The following CAST variants were observed in gnomAD, a reference collection of about 807,000 sequenced individuals.
CAST encodes the protein calpastatin, also known as MIR583 host.
In CAST, 76 loss-of-function variants were observed where a neutral mutation model predicts 119.6. That is an observed-to-expected ratio of 0.64 (90% CI 0.53 to 0.77). The LOEUF (loss-of-function observed/expected upper bound fraction) is 0.77. CAST is among the 30% of genes least tolerant of loss of function. The pLI, the probability that CAST is intolerant of heterozygous loss-of-function variation, is 0.00. For synonymous variants in CAST, 319 were observed against 331.6 expected (o/e 0.96, Z 0.41); for missense variants, 953 against 946.5 (o/e 1.01, Z -0.09).
the CAST span, among the ~76,000 whole-genome samples, chr5:96,088,369 C>T: frequency 1.3e-5 from 2 of 152,192 alleles, no homozygotes; most frequent in Admixed American, 6.5e-5. Context: ...CCAGTGTATT[C>T]TTTTTCCCAG....
chr5:96,696,303 G>C (rs190472868), intron 3 of CAST: 1 of 153,472 alleles, frequency 6.5e-6, no homozygotes, highest in African/African-American at 2.4e-5. Flanking sequence ...ATTATATCAC[G>C]TAATCCCCTC....
the CAST span, among the ~76,000 whole-genome samples, chr5:96,099,774 G>A: frequency 2.7e-4 from 41 of 152,082 alleles, no homozygotes; most frequent in Non-Finnish European, 5.1e-4. Flanking sequence ...AAGGATATTC[G>A]CCTGAAGTTT....
At chr5:96,057,329 C>T in the CAST span, among the ~76,000 whole-genome samples, 742 of 152,300 alleles carry the variant, frequency 4.9e-3, 7 homozygotes, top group African/African-American at 0.017. Flanking sequence ...TCATTGTTGA[C>T]AGCTCTATTT....
the CAST span, among the ~76,000 whole-genome samples, chr5:96,049,000 G>C: frequency 6.6e-6 from 1 of 152,316 alleles, no homozygotes; most frequent in Admixed American, 6.5e-5. Context: ...GCGTGGCTAA[G>C]AAAGGCTGAG....
chr5:96,713,133 CTTTTTTT>C (rs11406642), intron 3 of CAST, among the ~76,000 whole-genome samples: 2 of 136,774 alleles, frequency 1.5e-5, no homozygotes, highest in Non-Finnish European at 3.1e-5. Context: ...CAGAATTTCT[CTTTTTTT>C]TTTTTTTTTT....
intron 1 of CAST, among the ~76,000 whole-genome samples, chr5:96,607,320 G>A (rs181017561): frequency 6.6e-6 from 1 of 152,182 alleles, no homozygotes; most frequent in East Asian, 1.9e-4. Context: ...CTGTATTAAG[G>A]TATTATAGTA....
At chr5:96,367,732 C>T in the CAST span, among the ~76,000 whole-genome samples, 1 of 152,052 alleles carries the variant, frequency 6.6e-6, no homozygotes, top group South Asian at 2.1e-4. Flanking sequence ...CACAGCTTCC[C>T]TTGGCTAGGA....
the CAST span, among the ~76,000 whole-genome samples, chr5:96,064,188 GT>G: frequency 6.6e-6 from 1 of 151,926 alleles, no homozygotes; most frequent in Non-Finnish European, 1.5e-5. Flanking sequence ...AGAGACAGTA[GT>G]TTTTTTTCTG....
intron 1 of CAST, among the ~76,000 whole-genome samples, chr5:96,616,536 C>T (rs924874026): frequency 1.3e-5 from 2 of 152,122 alleles, no homozygotes; most frequent in African/African-American, 4.8e-5. Context: ...TGTATCATCA[C>T]ACTCCATCCT....
chr5:96,619,874 A>G (rs943879137), intron 1 of CAST, among the ~76,000 whole-genome samples: 2 of 152,222 alleles, frequency 1.3e-5, no homozygotes, highest in Admixed American at 1.3e-4. Context: ...GCAAGCCAGT[A>G]TGGTGGGTTA....
chr5:96,623,259 A>AT (rs11390086), intron 1 of CAST, among the ~76,000 whole-genome samples: 4,071 of 151,564 alleles, frequency 0.027, 193 homozygotes, highest in African/African-American at 0.092. Context: ...CAATAATGGC[A>AT]TTTTTTTTTC....
intron 1 of CAST, among the ~76,000 whole-genome samples, chr5:96,669,056 A>G (rs1033147877): frequency 3.9e-5 from 6 of 152,146 alleles, no homozygotes; most frequent in African/African-American, 1.2e-4. Context: ...GCTAAACCCA[A>G]CTTGAGGCCA....
chr5:96,364,325 A>G, the CAST span, among the ~76,000 whole-genome samples: 11,722 of 152,120 alleles, frequency 0.077, 1,537 homozygotes, highest in African/African-American at 0.27. Flanking sequence ...AGGCTTTGGT[A>G]TCAGGATGAT....
At chr5:96,508,928 C>A in the CAST span, among the ~76,000 whole-genome samples, 1 of 152,212 alleles carries the variant, frequency 6.6e-6, no homozygotes, top group Non-Finnish European at 1.5e-5. Flanking sequence ...CTATGTCTCA[C>A]TTCCTTGCTT....
At position 96,675,573 on chromosome 5, in the gene CAST, A is replaced by C; in HGVS notation, c.110A>C (p.Lys37Thr). ...GAAAAAACCAGTGAATCGCCTTCCA[A>C]ACCAGGAGAAAAGAAAGGATCAGAT... Reference protein sequence around the residue: ...VSEKTSESPSKPGEKKGSDEK... With the variant: ...VSEKTSESPSTPGEKKGSDEK... Residue 37 changes from lysine (K) to threonine (T), a missense_variant, in exon 2 of 32, where the codon AAA becomes ACA. Transcript: ENST00000675179. 2 of 1,613,624 alleles carry C rather than the reference A, an allele frequency of 1.2e-6. No individual in the cohort carries two copies. The highest frequency in any genetic ancestry group is 1.7e-6 in the Non-Finnish European group (2 of 1,179,520).
chr5:95,993,152 C>G, the CAST span, among the ~76,000 whole-genome samples: 37 of 152,176 alleles, frequency 2.4e-4, no homozygotes, highest in African/African-American at 8.9e-4. Flanking sequence ...GCAAAAGCAC[C>G]AAGGTAATTT....
intron 3 of CAST, chr5:96,702,874 G>GA: frequency 1.0e-6 from 1 of 985,520 alleles, no homozygotes; most frequent in Non-Finnish European, 1.2e-6. Context: ...CAGACCTCCT[G>GA]AAAACCAAGC....
intron 1 of CAST, among the ~76,000 whole-genome samples, chr5:96,534,793 GAAAGAAAGAAGAAAGA>G (rs1488458782): frequency 2.3e-4 from 25 of 110,198 alleles, no homozygotes; most frequent in African/African-American, 8.4e-4. Flanking sequence ...AAGAAAGAAA[GAAAGAAAGAAGAAAGA>G]AAGAAAGAAA....
At chr5:96,433,056 G>T in the CAST span, 1 of 1,612,416 alleles carries the variant, frequency 6.2e-7, no homozygotes, top group East Asian at 2.2e-5. Context: ...TCACACACTC[G>T]CTTGAACAAG....
Sources: allele counts gnomAD v4.1 joint callset (sites outside exome capture counted in the v4.1 genomes callset), GRCh38; gene constraint gnomAD v4.1.1; transcripts MANE v1.5; gene names NCBI Gene and HGNC (gene_info 2026-07-23, HGNC 2026-07-21).